The following COL5A1 variants were observed in gnomAD, a reference collection of about 807,000 sequenced individuals.
The protein encoded by COL5A1 is collagen type V alpha 1 chain.
A neutral mutation model predicts 263.7 loss-of-function variants in COL5A1; 16 were observed. The observed-to-expected ratio is 0.06, with a 90% CI of 0.04 to 0.09. The LOEUF (loss-of-function observed/expected upper bound fraction) is 0.09, where lower values mean the gene tolerates loss of function less well. Among genes scored for constraint, COL5A1 ranks in the 10% least tolerant of loss-of-function variants. The pLI is 1.00. For synonymous variants in COL5A1, 1,012 were observed against 1,004.5 expected (o/e 1.01, Z -0.14); for missense variants, 2,036 against 2,540.5 (o/e 0.80, Z 4.27).
rs1588397218 is a variant in COL5A1 at position 134,647,493 on chromosome 9, A to T, written c.109+5197A>T. Among the ~76,000 whole-genome samples the T allele has an allele frequency of 1.3e-5, 2 of 152,200 alleles. No individual in the cohort carries two copies. The highest frequency in any genetic ancestry group is 1.3e-4 in the Admixed American group (2 of 15,282). ...TACATGTGTGTTTGAGTGTGCACGCATGCGCATCCTTGCACATGTACCTGC... is the reference window on the plus strand; with the variant it reads ...TACATGTGTGTTTGAGTGTGCACGCTTGCGCATCCTTGCACATGTACCTGC... On this transcript the variant is annotated intron_variant, in intron 1 of 65. Coordinates refer to ENST00000371817, the MANE Select transcript of COL5A1 (RefSeq NM_000093.5). The surrounding 1 kb of genome is among the most constrained non-coding windows in gnomAD (Gnocchi z 5.0).
rs777813140 is a variant in COL5A1, at chr9:134,794,511, A to G, written c.2701-571A>G. Among the ~76,000 whole-genome samples the G allele has an allele frequency of 1.3e-5, 2 of 151,414 alleles. No individual in the cohort carries two copies. Among genetic ancestry groups the G allele is most frequent in the Admixed American group, 1.3e-4 (2 of 15,258 alleles). On this transcript the variant is annotated intron_variant, in intron 32 of 65. Coordinates refer to ENST00000371817, the MANE Select transcript of COL5A1 (RefSeq NM_000093.5). The surrounding 1 kb of genome is among the most constrained non-coding windows in gnomAD (Gnocchi z 4.3). ...TCTGTGGTTTGGAAAATGCAAAACA[A>G]CAACAGAAAAAAGAGTATAAATTCT...
chr9:134,675,042 A>G (rs1832647818), intron 1 of COL5A1, among the ~76,000 whole-genome samples: 1 of 152,210 alleles, frequency 6.6e-6, no homozygotes, highest in Admixed American at 6.5e-5. Flanking sequence ...ATGTAACATT[A>G]AGGCACAGAT....
intron 1 of COL5A1, among the ~76,000 whole-genome samples, chr9:134,673,661 G>T (rs1183352671): frequency 1.3e-5 from 2 of 152,086 alleles, no homozygotes; most frequent in Non-Finnish European, 1.5e-5. Context: ...GTTAGGCAAA[G>T]ATTTCTTAGA....
chr9:134,728,989 C>T (rs978171603), intron 6 of COL5A1, among the ~76,000 whole-genome samples, 182 bp downstream of exon 6: 7 of 152,198 alleles, frequency 4.6e-5, no homozygotes, highest in Admixed American at 1.3e-4. Flanking sequence ...CGGGGCGTAT[C>T]GGGCTTTCCG....
intron 26 of COL5A1, 122 bp downstream of exon 26, chr9:134,772,956 C>A: frequency 9.4e-7 from 1 of 1,063,378 alleles, no homozygotes; most frequent in South Asian, 1.3e-5. Flanking sequence ...GACACTCAGC[C>A]CTTCCTCAGG....
intron 4 of COL5A1, among the ~76,000 whole-genome samples, chr9:134,714,469 T>G (rs1471951359): frequency 3.8e-5 from 3 of 78,694 alleles, no homozygotes; most frequent in Admixed American, 1.3e-4. Context: ...TGATGGTGGT[T>G]GTGATGGTGT....
intron 63 of COL5A1, 115 bp from the exon 64 acceptor site, chr9:134,829,861 G>T: frequency 1.7e-6 from 2 of 1,173,484 alleles, no homozygotes; most frequent in African/African-American, 3.1e-5. Flanking sequence ...CAGCCCCCCC[G>T]GCGTGAGGAT....
chr9:134,758,917 A>G lies in COL5A1; in HGVS notation c.1935+621A>G, dbSNP rs1836096299. ...AGCTTTGGATAAACGGCAACAGCCA[A>G]GCCCCTCGAATCTTGAATCTGTCTC... On this transcript the variant is annotated intron_variant, in intron 18 of 65. Coordinates refer to ENST00000371817, the MANE Select transcript of COL5A1 (RefSeq NM_000093.5). This position sits in a 1 kb window ranked among gnomAD's most constrained non-coding sequence, Gnocchi z 4.1. Among the ~76,000 whole-genome samples the G allele has an allele frequency of 6.6e-6, 1 of 152,162 alleles. No individual in the cohort carries two copies.
chr9:134,666,928 A>C lies in COL5A1; in HGVS notation c.110-23984A>C, dbSNP rs115486500. 5.4e-3 allele frequency among the ~76,000 whole-genome samples: 821 copies of C among 152,246 alleles called. 3 individuals carry two copies. Among genetic ancestry groups the C allele is most frequent in the African/African-American group, 0.018 (761 of 41,540 alleles). The stretch of plus-strand genomic sequence containing the variant: ...TTGAGCTGCCTTTGCAAAATAACTC[A>C]CATCTCCTCGAGGATGGGGATGACA... On this transcript the variant is annotated intron_variant, in intron 1 of 65. Coordinates refer to ENST00000371817, the MANE Select transcript of COL5A1 (RefSeq NM_000093.5).
intron 4 of COL5A1, among the ~76,000 whole-genome samples, chr9:134,706,506 C>T (rs1017433759): frequency 1.3e-5 from 2 of 152,174 alleles, no homozygotes; most frequent in Non-Finnish European, 2.9e-5. Context: ...GATGGGAGAG[C>T]AGCCAGGGCC....
chr9:134,699,141 G>T (rs1833580860), intron 2 of COL5A1, among the ~76,000 whole-genome samples: 1 of 152,194 alleles, frequency 6.6e-6, no homozygotes, highest in Non-Finnish European at 1.5e-5. Flanking sequence ...GGACAGGAGG[G>T]GCTGGGGCTC....
At chr9:134,770,479 T>C (rs901170903) in intron 25 of COL5A1, among the ~76,000 whole-genome samples, 22 of 152,214 alleles carry the variant, frequency 1.4e-4, no homozygotes, top group African/African-American at 3.6e-4. Flanking sequence ...CCAGTAAGAA[T>C]TGAATTTAGA....
At chr9:134,760,243 C>G (rs1262005871) in intron 18 of COL5A1, among the ~76,000 whole-genome samples, 13 of 133,056 alleles carry the variant, frequency 9.8e-5, no homozygotes, top group East Asian at 2.6e-4. Flanking sequence ...CACACGCATA[C>G]ACACCCACAC....
intron 59 of COL5A1, 56 bp from the exon 60 acceptor site, chr9:134,822,942 G>C: frequency 6.2e-7 from 1 of 1,609,160 alleles, no homozygotes; most frequent in Non-Finnish European, 8.5e-7. Context: ...CATGGAGCAC[G>C]GTGGGGCTGG....
chr9:134,782,714 T>C lies in COL5A1; in HGVS notation c.2478T>C (p.Gly826=), dbSNP rs1564455566. Residue 826 remains glycine (G), a synonymous_variant, in exon 29 of 66, where the codon GGT becomes GGC. Coordinates refer to ENST00000371817, the MANE Select transcript of COL5A1 (RefSeq NM_000093.5). ...PGFKGDMGIK[G]DRGEIGPPGP... ...TTAAAGGAGACATGGGCATCAAGGG[T>C]GATCGGGTGAGCATCTCAGGTTTGG... The C allele has an allele frequency of 1.2e-6, 2 of 1,612,352 alleles. No homozygotes were observed. The highest frequency in any genetic ancestry group is 1.7e-6 in the Non-Finnish European group (2 of 1,179,672).
chr9:134,760,507 C>CAT (rs1335269280), intron 18 of COL5A1, among the ~76,000 whole-genome samples: 1 of 115,744 alleles, frequency 8.6e-6, no homozygotes, highest in East Asian at 3.1e-4. Context: ...CATGCACACA[C>CAT]GCATACACAC....
rs531542348 is a variant in COL5A1, at chr9:134,829,855, C to T, written c.5068-121C>T. On this transcript the variant is annotated intron_variant, in intron 63 of 65. Transcript: ENST00000371817. ...GCGCTCGGTGGGTCCTCCCTGCAGCCCCCCCGGCGTGAGGATGCAGGCGCG... is the reference window on the plus strand; with the variant it reads ...GCGCTCGGTGGGTCCTCCCTGCAGCTCCCCCGGCGTGAGGATGCAGGCGCG... 187 of 1,037,816 alleles carry T rather than the reference C, an allele frequency of 1.8e-4. No individual in the cohort carries two copies. The East Asian group carries it at 3.9e-3, about 22-fold the overall frequency. The allele number at this position is 1,037,816 out of a possible 1,614,324, so 64.3% of individuals were successfully genotyped here.
In COL5A1 at chr9:134,830,413, G is replaced by A. The variant is rs1839562277; in HGVS notation, c.5136+369G>A. 1.7e-5 allele frequency: 10 copies of A among 588,558 alleles called. 1 individual carries two copies. The highest frequency in any genetic ancestry group is 5.6e-5 in the African/African-American group (3 of 53,552). 36.5% of individuals were successfully genotyped at this position (588,558 alleles called of 1,614,324 possible). On this transcript the variant is annotated intron_variant, in intron 64 of 65. Coordinates refer to ENST00000371817, the MANE Select transcript of COL5A1 (RefSeq NM_000093.5). ...AGATGGTTTTCCGTTTCTGTGTAGGGCGCGCAGAGCTGGGTGTGGGCCCCA... is the reference window on the plus strand; with the variant it reads ...AGATGGTTTTCCGTTTCTGTGTAGGACGCGCAGAGCTGGGTGTGGGCCCCA...
At chr9:134,705,352 C>T (rs372599166) in intron 4 of COL5A1, among the ~76,000 whole-genome samples, 3 of 152,246 alleles carry the variant, frequency 2.0e-5, no homozygotes, top group African/African-American at 7.2e-5. Flanking sequence ...TGGCTTTGGC[C>T]GTGTCAGCAG....
Sources: allele counts gnomAD v4.1 joint callset (sites outside exome capture counted in the v4.1 genomes callset), GRCh38; gene constraint gnomAD v4.1.1; non-coding constraint Gnocchi (gnomAD v3.1); transcripts MANE v1.5; gene names NCBI Gene and HGNC (gene_info 2026-07-23, HGNC 2026-07-21).